The following VAV3 variants were observed in gnomAD, a reference collection of about 807,000 sequenced individuals.
VAV3 encodes the protein guanine nucleotide exchange factor VAV3.
Under a neutral mutation model 131.2 loss-of-function variants are expected in VAV3, and 94 were observed. That is an observed-to-expected ratio of 0.72 (90% confidence interval 0.61 to 0.85). VAV3 has a LOEUF of 0.85. VAV3 is among the 40% of genes least tolerant of loss of function. The pLI is 0.00. For synonymous variants in VAV3, 349 were observed against 342.0 expected (o/e 1.02, Z -0.22); for missense variants, 939 against 1,002.7 (o/e 0.94, Z 0.86).
chr1:107,707,322 C>G (rs1660510822), intron 15 of VAV3, among the ~76,000 whole-genome samples: 1 of 152,162 alleles, frequency 6.6e-6, no homozygotes. Context: ...ACTAGACCAC[C>G]TGGGCTTACA....
chr1:107,664,429 T>G (rs1253772769), intron 19 of VAV3, among the ~76,000 whole-genome samples: 2 of 151,864 alleles, frequency 1.3e-5, no homozygotes, highest in Non-Finnish European at 2.9e-5. Flanking sequence ...CAGTTCCTAC[T>G]TATAAGTGAG....
intron 1 of VAV3, among the ~76,000 whole-genome samples, chr1:107,909,915 G>T (rs150801130): frequency 6.6e-6 from 1 of 151,994 alleles, no homozygotes; most frequent in Admixed American, 6.5e-5. Flanking sequence ...ATTCCAAATC[G>T]GTTACAGGTT....
At chr1:107,727,876 A>G (rs927672490) in intron 15 of VAV3, among the ~76,000 whole-genome samples, 1 of 152,188 alleles carries the variant, frequency 6.6e-6, no homozygotes, top group African/African-American at 2.4e-5. Context: ...AACTCAATCT[A>G]AGGGGAGTTT....
chr1:107,595,304 C>A (rs1018819683), intron 25 of VAV3, among the ~76,000 whole-genome samples: 7 of 152,104 alleles, frequency 4.6e-5, no homozygotes, highest in African/African-American at 1.7e-4. Context: ...TAAAACTTCA[C>A]TGATGTTGTT....
At chr1:107,606,658 T>C (rs1331201872) in intron 22 of VAV3, among the ~76,000 whole-genome samples, 1 of 152,064 alleles carries the variant, frequency 6.6e-6, no homozygotes, top group South Asian at 2.1e-4. Context: ...AAGTCTTCTA[T>C]AATATTTAAC....
chr1:107,628,867 T>C (rs1654234735), intron 20 of VAV3, among the ~76,000 whole-genome samples: 1 of 152,196 alleles, frequency 6.6e-6, no homozygotes, highest in Admixed American at 6.5e-5. Context: ...GTAACATGAT[T>C]TTCCATTTAC....
intron 2 of VAV3, among the ~76,000 whole-genome samples, chr1:107,813,055 A>C (rs183791234): frequency 6.6e-6 from 1 of 151,602 alleles, no homozygotes; most frequent in African/African-American, 2.4e-5. Context: ...CCCAGGAGGC[A>C]GAGCTGGCAG....
At chr1:107,796,405 G>A (rs1666547163) in intron 2 of VAV3, among the ~76,000 whole-genome samples, 1 of 152,024 alleles carries the variant, frequency 6.6e-6, no homozygotes, top group South Asian at 2.1e-4. Context: ...TTAGGGATCA[G>A]TTCTCTTAGA....
intron 15 of VAV3, among the ~76,000 whole-genome samples, chr1:107,723,977 T>C (rs17019790): frequency 0.1 from 15,819 of 152,034 alleles, 969 homozygotes; most frequent in East Asian, 0.25. Context: ...TTTTCATTTC[T>C]AAATTGAAGC....
At chr1:107,677,846 C>A (rs1367094118) in intron 19 of VAV3, 2 of 152,090 alleles carry the variant, frequency 1.3e-5, no homozygotes, top group Non-Finnish European at 2.9e-5. Flanking sequence ...AGGTGCCTGA[C>A]CAGTATAAAA....
intron 2 of VAV3, among the ~76,000 whole-genome samples, chr1:107,821,611 G>C (rs1192401488): frequency 1.3e-5 from 2 of 152,210 alleles, no homozygotes; most frequent in Non-Finnish European, 2.9e-5. Flanking sequence ...CAGCTGACAC[G>C]TCCACAGTAA....
At chr1:107,946,525 T>G (rs1674268799) in intron 1 of VAV3, among the ~76,000 whole-genome samples, 1 of 152,334 alleles carries the variant, frequency 6.6e-6, no homozygotes, top group Non-Finnish European at 1.5e-5. Flanking sequence ...CAAAAATGTT[T>G]ATGACCATTG....
At chr1:107,953,635 G>C (rs1674661028) in intron 1 of VAV3, among the ~76,000 whole-genome samples, 1 of 152,140 alleles carries the variant, frequency 6.6e-6, no homozygotes, top group African/African-American at 2.4e-5. Context: ...GAAACATGAA[G>C]GCCACACAGC....
At chr1:107,861,171 A>G (rs540182817) in intron 2 of VAV3, among the ~76,000 whole-genome samples, 1 of 151,798 alleles carries the variant, frequency 6.6e-6, no homozygotes, top group East Asian at 1.9e-4. Context: ...ATAGAAAAAA[A>G]GGAATATATG....
Position 107,681,675 on chromosome 1 carries a change from G to T in VAV3, c.1777+1813C>A, listed in dbSNP as rs548669858. On this transcript the variant is annotated intron_variant, in intron 19 of 26. Transcript: ENST00000370056. ...AAAACTTTTTTTTTTTTTTTTTTGA[G>T]ACAGAGTCTCGCTTTGTCACCAGGC... Among the ~76,000 whole-genome samples, 131 of 135,676 alleles carry T rather than the reference G, an allele frequency of 9.7e-4. 2 individuals are homozygous for T. The South Asian group carries it at 0.028, about 29-fold the overall frequency. 89.0% of individuals were successfully genotyped at this position (135,676 alleles called of 152,430 possible). A position where few individuals can be genotyped will look rare whatever the true frequency, so the allele number is the denominator to read the frequency against.
At chr1:107,583,082 C>T (rs1382173792) in intron 25 of VAV3, among the ~76,000 whole-genome samples, 2 of 152,218 alleles carry the variant, frequency 1.3e-5, no homozygotes, top group African/African-American at 2.4e-5. Flanking sequence ...CTGGTGTTTC[C>T]TGACTTTTTA....
At chr1:107,850,897 G>A (rs1417456714) in intron 2 of VAV3, among the ~76,000 whole-genome samples, 1 of 151,976 alleles carries the variant, frequency 6.6e-6, no homozygotes, top group East Asian at 1.9e-4. Flanking sequence ...TGGCTGCATA[G>A]TGGGAAACCA....
chr1:107,786,624 A>G (rs902954916), intron 2 of VAV3, among the ~76,000 whole-genome samples: 1 of 152,214 alleles, frequency 6.6e-6, no homozygotes, highest in African/African-American at 2.4e-5. Flanking sequence ...CATCCTCATC[A>G]TCATCGGTAA....
intron 1 of VAV3, among the ~76,000 whole-genome samples, chr1:107,888,994 A>T (rs1272958360): frequency 6.6e-6 from 1 of 151,980 alleles, no homozygotes; most frequent in Admixed American, 6.6e-5. Flanking sequence ...AAATTCACCT[A>T]CCCAGCACCA....
Sources: gnomAD v4.1 joint callset for allele counts (sites outside exome capture counted in the v4.1 genomes callset) on GRCh38, gnomAD v4.1.1 for gene constraint, MANE v1.5 for transcripts, NCBI Gene and HGNC (gene_info 2026-07-23, HGNC 2026-07-21) for gene names.